Variants in LRFN5 observed in about 807,000 individuals in gnomAD.
LRFN5 encodes the protein leucine-rich repeat and fibronectin type-III domain-containing protein 5.
LRFN5 carries 24 observed loss-of-function variants against 45.6 expected under a neutral mutation model. The ratio of observed to expected loss-of-function variants is 0.53; its 90% CI spans 0.38 to 0.74. The LOEUF (loss-of-function observed/expected upper bound fraction) is 0.74. Ranked by LOEUF, LRFN5 falls within the 30% of genes least tolerant of loss-of-function variation. The pLI is 0.00. For missense variants in LRFN5, 776 were observed against 861.5 expected, an observed-to-expected ratio of 0.90 and a Z score of 1.24; for synonymous variants, 340 against 313.8, an observed-to-expected ratio of 1.08 and a Z score of -0.88.
intron 2 of LRFN5, among the ~76,000 whole-genome samples, chr14:41,791,495 G>T (rs1448968422): frequency 1.3e-5 from 2 of 151,958 alleles, no homozygotes; most frequent in East Asian, 1.9e-4. Context: ...TTTTCCATAT[G>T]ATGTATTTTG....
intron 2 of LRFN5, among the ~76,000 whole-genome samples, chr14:41,884,813 T>A (rs984964895): frequency 1.3e-5 from 2 of 152,088 alleles, no homozygotes; most frequent in African/African-American, 2.4e-5. Context: ...CACTCCTGGA[T>A]TCCCTAGCTC....
chr14:41,892,327 A>G lies in LRFN5; in HGVS notation c.2098+365A>G, dbSNP rs573964421. 5.6e-4 allele frequency: 546 copies of G among 968,032 alleles called. 1 individual carries two copies. Among genetic ancestry groups the G allele is most frequent in the Middle Eastern group, 3.8e-3 (7 of 1,860 alleles). 60.0% of individuals were successfully genotyped at this position (968,032 alleles called of 1,614,324 possible). On this transcript the variant is annotated intron_variant, in intron 4 of 5. Coordinates refer to ENST00000298119, the MANE Select transcript of LRFN5 (RefSeq NM_152447.5). The stretch of plus-strand genomic sequence containing the variant: ...TACACATATATAACTATATATATGT[A>G]TGTATGTATATGTATACTGGAAGGA...
intron 4 of LRFN5, among the ~76,000 whole-genome samples, chr14:41,896,812 G>A (rs1344283444): frequency 6.6e-6 from 1 of 151,990 alleles, no homozygotes; most frequent in East Asian, 1.9e-4. Flanking sequence ...AGAGTGGTAG[G>A]CCGGGCTCAG....
At chr14:41,675,446 T>A (rs547148592) in intron 1 of LRFN5, among the ~76,000 whole-genome samples, 1 of 152,080 alleles carries the variant, frequency 6.6e-6, no homozygotes, top group South Asian at 2.1e-4. Context: ...ACCAAAAAAT[T>A]ACGAAAACCA....
chr14:41,843,336 C>G (rs1888932505), intron 2 of LRFN5, among the ~76,000 whole-genome samples: 1 of 151,984 alleles, frequency 6.6e-6, no homozygotes, highest in African/African-American at 2.4e-5. Context: ...TCAAGTGATC[C>G]TCTGGCCTTA....
intron 1 of LRFN5, among the ~76,000 whole-genome samples, chr14:41,679,360 T>A (rs2138681618): frequency 6.6e-6 from 1 of 151,930 alleles, no homozygotes; most frequent in Non-Finnish European, 1.5e-5. Flanking sequence ...TCATTCTGCT[T>A]GAGGAGAAGT....
At chr14:41,619,599 T>A (rs1330501965) in intron 1 of LRFN5, among the ~76,000 whole-genome samples, 1 of 152,062 alleles carries the variant, frequency 6.6e-6, no homozygotes. Flanking sequence ...TAGAATCTAA[T>A]GTAAGATAGG....
chr14:41,756,381 C>T lies in LRFN5; in HGVS notation c.-196-10473C>T, dbSNP rs553733333. Among the ~76,000 whole-genome samples the T allele has an allele frequency of 2.6e-5, 4 of 152,334 alleles. No homozygotes were observed. In the East Asian group the frequency reaches 5.8e-4, roughly 22 times the overall value. ...AGGTTTTCCAACTTGGTTCCATTCT[C>T]CCCGTCATTTTTAGGTACACCATTC... is the stretch of plus-strand genomic sequence containing the variant. On this transcript the variant is annotated intron_variant, in intron 1 of 5. Transcript: ENST00000298119.
chr14:41,678,019 T>C (rs1234583239), intron 1 of LRFN5, among the ~76,000 whole-genome samples: 1 of 151,900 alleles, frequency 6.6e-6, no homozygotes, highest in Non-Finnish European at 1.5e-5. Context: ...TCATGATAAT[T>C]TAAAAAGAAA....
At chr14:41,693,860 T>A (rs903225721) in intron 1 of LRFN5, among the ~76,000 whole-genome samples, 1 of 151,956 alleles carries the variant, frequency 6.6e-6, no homozygotes, top group Non-Finnish European at 1.5e-5. Context: ...GGAGAAAGCG[T>A]TCAGTGTCCT....
chr14:41,711,887 T>A (rs1594637422), intron 1 of LRFN5, among the ~76,000 whole-genome samples: 1 of 152,330 alleles, frequency 6.6e-6, no homozygotes, highest in Admixed American at 6.5e-5. Context: ...TGTGCATGTG[T>A]ATGCACACAT....
At chr14:41,651,051 A>T (rs927547219) in intron 1 of LRFN5, among the ~76,000 whole-genome samples, 4 of 152,302 alleles carry the variant, frequency 2.6e-5, no homozygotes, top group Admixed American at 1.3e-4. Context: ...TGAAATAAGC[A>T]TGTTTTAATT....
intron 2 of LRFN5, among the ~76,000 whole-genome samples, chr14:41,856,675 A>ATTATTATTATTTTTTTATT: frequency 5.5e-5 from 1 of 18,328 alleles, no homozygotes; most frequent in African/African-American, 1.3e-4. Context: ...TATTATTATT[A>ATTATTATTATTTTTTTATT]TTTTTTTTTT....
intron 1 of LRFN5, among the ~76,000 whole-genome samples, chr14:41,736,176 G>A (rs1349689006): frequency 2.0e-5 from 3 of 152,088 alleles, no homozygotes; most frequent in African/African-American, 7.2e-5. Flanking sequence ...TTGAGGAATT[G>A]CCACACTGTC....
At chr14:41,811,938 T>C (rs11157252) in intron 2 of LRFN5, among the ~76,000 whole-genome samples, 1,798 of 152,256 alleles carry the variant, frequency 0.012, 20 homozygotes, top group Non-Finnish European at 0.016. Context: ...TGATTTATAT[T>C]TCAATAAATC....
intron 1 of LRFN5, among the ~76,000 whole-genome samples, chr14:41,655,057 G>A (rs148502457): frequency 2.2e-4 from 34 of 151,994 alleles, no homozygotes; most frequent in African/African-American, 7.7e-4. Flanking sequence ...ACCTTGTTTG[G>A]GTTGTTAATT....
chr14:41,853,217 A>C (rs1355105601), intron 2 of LRFN5, among the ~76,000 whole-genome samples: 1 of 152,048 alleles, frequency 6.6e-6, no homozygotes, highest in African/African-American at 2.4e-5. Flanking sequence ...GCTATGTGTG[A>C]GAGATCAATG....
chr14:41,759,891 G>GT (rs1290362017), intron 1 of LRFN5, among the ~76,000 whole-genome samples: 1 of 152,166 alleles, frequency 6.6e-6, no homozygotes, highest in East Asian at 1.9e-4. Context: ...CTGTTCACAC[G>GT]TAAGTCCGCC....
At chr14:41,741,960 AATGAG>A (rs1409627589) in intron 1 of LRFN5, among the ~76,000 whole-genome samples, 1 of 151,790 alleles carries the variant, frequency 6.6e-6, no homozygotes, top group Non-Finnish European at 1.5e-5. Flanking sequence ...TTGAAACCAC[AATGAG>A]ATATCACCTC....
Sources: gnomAD v4.1 joint callset for allele counts (sites outside exome capture counted in the v4.1 genomes callset) on GRCh38, gnomAD v4.1.1 for gene constraint, MANE v1.5 for transcripts, NCBI Gene and HGNC (gene_info 2026-07-23, HGNC 2026-07-21) for gene names.